Variants in FGF14 observed in about 807,000 individuals in gnomAD.
The protein encoded by FGF14 is fibroblast growth factor homologous factor 4.
In FGF14, 5 loss-of-function variants were observed where a neutral mutation model predicts 25.5. The observed-to-expected ratio is 0.20, with a 90% confidence interval of 0.10 to 0.41. The LOEUF (loss-of-function observed/expected upper bound fraction) is 0.41. Ranked by LOEUF, FGF14 falls within the 10% of genes least tolerant of loss-of-function variation. The pLI is 1.00. For missense variants in FGF14, 222 were observed against 320.1 expected, an observed-to-expected ratio of 0.69 and a Z score of 2.34; for synonymous variants, 138 against 118.3, an observed-to-expected ratio of 1.17 and a Z score of -1.08.
At chr13:102,166,179 T>C (rs61965265) in intron 1 of FGF14, among the ~76,000 whole-genome samples, 9 of 150,216 alleles carry the variant, frequency 6.0e-5, no homozygotes, top group Non-Finnish European at 1.0e-4. Context: ...GCATACAACA[T>C]TTAAAAAAAA....
chr13:102,309,863 C>A (rs892198040), intron 1 of FGF14, among the ~76,000 whole-genome samples: 2 of 152,100 alleles, frequency 1.3e-5, no homozygotes, highest in Non-Finnish European at 2.9e-5. Context: ...TTTGCTTTAG[C>A]CTTTGAATCT....
intron 1 of FGF14, among the ~76,000 whole-genome samples, chr13:102,130,534 T>C (rs1594076979): frequency 6.6e-6 from 1 of 152,220 alleles, no homozygotes. Context: ...GCCAGCAGTC[T>C]GGCAAATAAA....
At chr13:102,241,332 T>A (rs551532915) in intron 1 of FGF14, among the ~76,000 whole-genome samples, 1 of 152,238 alleles carries the variant, frequency 6.6e-6, no homozygotes, top group South Asian at 2.1e-4. Flanking sequence ...CCATATCCCT[T>A]TACCCTAGTA....
At chr13:102,351,405 A>G (rs1028767374) in intron 1 of FGF14, among the ~76,000 whole-genome samples, 1 of 152,178 alleles carries the variant, frequency 6.6e-6, no homozygotes, top group African/African-American at 2.4e-5. Flanking sequence ...TTTGCCTGAA[A>G]TTATATTTTA....
chr13:102,397,481 C>T (rs1595058585), intron 1 of FGF14, among the ~76,000 whole-genome samples: 1 of 152,186 alleles, frequency 6.6e-6, no homozygotes, highest in Non-Finnish European at 1.5e-5. Context: ...AGGGCGTCTG[C>T]TTCGTACTAA....
chr13:101,913,843 T>C (rs1192547511), intron 1 of FGF14, among the ~76,000 whole-genome samples: 1 of 152,044 alleles, frequency 6.6e-6, no homozygotes, highest in Non-Finnish European at 1.5e-5. Flanking sequence ...CCCAGCTCTC[T>C]TCATGCTTTA....
chr13:101,774,706 A>C (rs991028168), intron 3 of FGF14, among the ~76,000 whole-genome samples: 1 of 152,158 alleles, frequency 6.6e-6, no homozygotes, highest in Non-Finnish European at 1.5e-5. Flanking sequence ...AGCTGAATAT[A>C]AGCTAGAGAA....
At chr13:102,237,666 T>C (rs529823432) in intron 1 of FGF14, among the ~76,000 whole-genome samples, 14 of 152,200 alleles carry the variant, frequency 9.2e-5, no homozygotes, top group Admixed American at 7.2e-4. Context: ...TTAAGTCATC[T>C]AAGCCATAAA....
At chr13:102,143,524 A>G (rs1423664174) in intron 1 of FGF14, among the ~76,000 whole-genome samples, 1 of 152,168 alleles carries the variant, frequency 6.6e-6, no homozygotes, top group African/African-American at 2.4e-5. Context: ...TTGCCAATTC[A>G]TTCTCCCTGA....
chr13:101,830,239 T>A (rs1329068815), intron 3 of FGF14, among the ~76,000 whole-genome samples: 1 of 152,040 alleles, frequency 6.6e-6, no homozygotes, highest in African/African-American at 2.4e-5. Flanking sequence ...GTCATCATCA[T>A]CATCTTGGAA....
At chr13:102,240,390 C>A (rs2051536735) in intron 1 of FGF14, among the ~76,000 whole-genome samples, 1 of 152,158 alleles carries the variant, frequency 6.6e-6, no homozygotes, top group African/African-American at 2.4e-5. Flanking sequence ...CTTCACTCTG[C>A]AAAGCATGCT....
chr13:102,057,490 G>T (rs1207613970), intron 1 of FGF14, among the ~76,000 whole-genome samples: 2 of 152,074 alleles, frequency 1.3e-5, no homozygotes, highest in African/African-American at 4.8e-5. Context: ...TTTCTTACAA[G>T]ATTAATACTT....
At chr13:102,214,432 C>A (rs931541141) in intron 1 of FGF14, among the ~76,000 whole-genome samples, 5 of 152,148 alleles carry the variant, frequency 3.3e-5, no homozygotes, top group African/African-American at 1.2e-4. Flanking sequence ...GGTTTTCCTT[C>A]CTCAGGATAC....
intron 3 of FGF14, among the ~76,000 whole-genome samples, chr13:101,792,257 T>C (rs769286905): frequency 6.6e-6 from 1 of 152,196 alleles, no homozygotes; most frequent in African/African-American, 2.4e-5. Context: ...ATCCTTAGAT[T>C]TGAGGAAAAG....
chr13:102,374,547 T>C (rs1424776896), intron 1 of FGF14, among the ~76,000 whole-genome samples: 2 of 150,674 alleles, frequency 1.3e-5, no homozygotes, highest in East Asian at 1.9e-4. Flanking sequence ...CAAAAGTCCA[T>C]ACCTTATTCA....
rs1199388383 is a variant in FGF14 at position 101,719,986 on chromosome 13, C to T, written c.*2845G>A. On this transcript the variant is annotated 3_prime_UTR_variant, in exon 5 of 5. Coordinates refer to ENST00000376143, the MANE Select transcript of FGF14 (RefSeq NM_004115.4). ...TGAGTTTACCAACTTATTTACATGA[C>T]ATTTCTCTATATTGGTGAGTAATGC... The T allele has an allele frequency of 6.6e-6, 1 of 152,078 alleles. No individual in the cohort carries two copies. The allele number at this position is 152,078 out of a possible 1,614,324, so 9.4% of individuals were successfully genotyped here.
intron 2 of FGF14, among the ~76,000 whole-genome samples, chr13:101,870,736 C>T (rs774622418): frequency 3.9e-5 from 6 of 152,058 alleles, no homozygotes; most frequent in Non-Finnish European, 8.8e-5. Context: ...GGTGGATCAC[C>T]TGAGGTCAGG....
intron 1 of FGF14, among the ~76,000 whole-genome samples, chr13:102,091,944 CT>C (rs2140246846): frequency 6.6e-6 from 1 of 152,298 alleles, no homozygotes; most frequent in Admixed American, 6.5e-5. Flanking sequence ...AACATTATTT[CT>C]TTCCTGAGAT....
Position 102,153,292 on chromosome 13 carries a change from C to A in FGF14, c.208+248179G>T, listed in dbSNP as rs182337686. The stretch of plus-strand genomic sequence containing the variant: ...TTTTTATATGTAGATGCCCCTGATA[C>A]GCATACATATTTTTCTCTGAAATAA... On this transcript the variant is annotated intron_variant, in intron 1 of 4. Coordinates refer to the FGF14 transcript ENST00000376131. Among the ~76,000 whole-genome samples the A allele has an allele frequency of 1.8e-4, 28 of 152,232 alleles. No homozygotes were observed. The East Asian group carries it at 4.6e-3, about 25-fold the overall frequency.
Sources: gnomAD v4.1 joint callset for allele counts (sites outside exome capture counted in the v4.1 genomes callset) on GRCh38, gnomAD v4.1.1 for gene constraint, MANE v1.5 for transcripts, NCBI Gene and HGNC (gene_info 2026-07-23, HGNC 2026-07-21) for gene names.